DOCK1: variants seen among roughly 807,000 people sequenced by gnomAD.
DOCK1 encodes the protein dedicator of cytokinesis 1, also known as dedicator of cytokinesis protein 1.
DOCK1 carries 138 observed loss-of-function variants against 262.7 expected under a neutral mutation model. The ratio of observed to expected loss-of-function variants is 0.53; its 90% CI spans 0.46 to 0.61. The LOEUF is 0.61. Ranked by LOEUF, DOCK1 falls within the 20% of genes least tolerant of loss-of-function variation. DOCK1 has a pLI of 0.00. For missense variants in DOCK1, 1,908 were observed against 2,370.7 expected (o/e 0.80, Z 4.05); for synonymous variants, 866 against 867.4 (o/e 1.00, Z 0.03).
At chr10:127,238,105 G>T (rs1216686768) in intron 27 of DOCK1, among the ~76,000 whole-genome samples, 2 of 152,180 alleles carry the variant, frequency 1.3e-5, no homozygotes, top group Non-Finnish European at 2.9e-5. Context: ...GTAGGCACAG[G>T]AATATTATGA....
intron 27 of DOCK1, among the ~76,000 whole-genome samples, chr10:127,243,882 T>C (rs1322132012): frequency 6.6e-6 from 1 of 152,222 alleles, no homozygotes; most frequent in Admixed American, 6.5e-5. Context: ...CAATCTGGGC[T>C]TAGTCTCCCT....
intron 47 of DOCK1, among the ~76,000 whole-genome samples, chr10:127,430,440 A>T (rs1265184012): frequency 6.6e-6 from 1 of 152,198 alleles, no homozygotes; most frequent in Non-Finnish European, 1.5e-5. Flanking sequence ...GAGGAGAAGC[A>T]GTGTGGCATG....
chr10:126,908,093 C>T (rs1007729856), intron 1 of DOCK1, among the ~76,000 whole-genome samples: 1 of 145,576 alleles, frequency 6.9e-6, no homozygotes, highest in Non-Finnish European at 1.5e-5. Context: ...ACTCCATCGG[C>T]ATCCAGAGGC....
At chr10:127,032,343 A>G (rs2043298054) in intron 18 of DOCK1, 23 bp downstream of exon 18, 1 of 1,488,052 alleles carries the variant, frequency 6.7e-7, no homozygotes, top group Non-Finnish European at 8.9e-7. Context: ...GGAGAAACAC[A>G]CTCACCCCAG....
chr10:127,127,903 T>G, intron 27 of DOCK1, 139 bp downstream of exon 27: 1 of 588,554 alleles, frequency 1.7e-6, no homozygotes, highest in Non-Finnish European at 2.6e-6. Context: ...ATGTCCTCAT[T>G]TTCCAAATGA....
At chr10:127,188,461 G>T (rs61874033) in intron 27 of DOCK1, among the ~76,000 whole-genome samples, 1,994 of 152,202 alleles carry the variant, frequency 0.013, 12 homozygotes, top group Middle Eastern at 0.02. Context: ...CATGGCTTGG[G>T]GCAGCTCTTT....
intron 21 of DOCK1, among the ~76,000 whole-genome samples, chr10:127,044,240 G>A (rs1798797667): frequency 6.6e-6 from 1 of 152,068 alleles, no homozygotes; most frequent in South Asian, 2.1e-4. Context: ...CAGGTCAGAG[G>A]ACTCTGGCCT....
At chr10:127,330,106 G>A (rs2062912080) in intron 29 of DOCK1, among the ~76,000 whole-genome samples, 2 of 152,136 alleles carry the variant, frequency 1.3e-5, no homozygotes, top group South Asian at 2.1e-4. Flanking sequence ...AGCATTTTAA[G>A]GTCTTTTCAA....
intron 27 of DOCK1, 58 bp from the exon 28 acceptor site, chr10:127,247,950 G>A (rs749438196): frequency 9.4e-5 from 146 of 1,547,088 alleles, no homozygotes; most frequent in Non-Finnish European, 1.3e-4. Context: ...GATGATTTCG[G>A]CTTTTCCCAT....
At position 127,082,014 on chromosome 10, in the gene DOCK1, C is replaced by CT. The variant is rs530505296; in HGVS notation, c.2445+20241dup. 2.0e-4 allele frequency among the ~76,000 whole-genome samples: 30 copies of CT among 152,288 alleles called. No homozygotes were observed. In the South Asian group the frequency reaches 4.1e-3, roughly 21 times the overall value. On this transcript the variant is annotated intron_variant, in intron 23 of 51. Transcript: ENST00000623213. Reference sequence around the variant, plus strand: ...TCAAAGAGGGTGAACATGAGCCCTGCTTTCCTTTCCTCTTTGACTTCCTCT... The same window carrying CT: ...TCAAAGAGGGTGAACATGAGCCCTGCTTTTCCTTTCCTCTTTGACTTCCTCT...
chr10:127,324,108 GAGA>G (rs773999228), intron 29 of DOCK1, among the ~76,000 whole-genome samples: 45 of 152,340 alleles, frequency 3.0e-4, no homozygotes, highest in Middle Eastern at 3.4e-3. Flanking sequence ...CAAGGCCATG[GAGA>G]AGAAGTGTGA....
intron 48 of DOCK1, among the ~76,000 whole-genome samples, chr10:127,434,489 C>A (rs538824325): frequency 2.6e-5 from 4 of 152,200 alleles, no homozygotes; most frequent in African/African-American, 9.6e-5. Flanking sequence ...ACGTTCACAT[C>A]GCTGTGCAGC....
chr10:126,953,634 C>T (rs1257603642), intron 1 of DOCK1, among the ~76,000 whole-genome samples: 8 of 152,152 alleles, frequency 5.3e-5, no homozygotes, highest in Admixed American at 4.6e-4. Flanking sequence ...CAGCTGAATG[C>T]CTTCGTGGCA....
intron 29 of DOCK1, among the ~76,000 whole-genome samples, chr10:127,275,187 T>C (rs1039518468): frequency 5.3e-5 from 8 of 151,598 alleles, no homozygotes; most frequent in African/African-American, 1.9e-4. Context: ...CTCTTTGATA[T>C]CTAGGGGTTT....
intron 25 of DOCK1, among the ~76,000 whole-genome samples, chr10:127,111,529 A>G (rs1247808689): frequency 6.6e-6 from 1 of 152,160 alleles, no homozygotes; most frequent in Non-Finnish European, 1.5e-5. Context: ...TCTCACTGGA[A>G]ACTGAATTGC....
At chr10:127,277,624 G>T (rs925123822) in intron 29 of DOCK1, among the ~76,000 whole-genome samples, 1 of 152,120 alleles carries the variant, frequency 6.6e-6, no homozygotes, top group East Asian at 1.9e-4. Flanking sequence ...TTAGCTGGGT[G>T]TGGTGGCGGG....
At chr10:126,905,965 C>A (rs1309261265) in intron 1 of DOCK1, among the ~76,000 whole-genome samples, 3 of 152,134 alleles carry the variant, frequency 2.0e-5, no homozygotes, top group Non-Finnish European at 4.4e-5. Context: ...TGTCTCGCGG[C>A]GGCTTCTGCT....
chr10:127,043,508 G>C (rs2044154645), intron 21 of DOCK1, among the ~76,000 whole-genome samples: 1 of 152,228 alleles, frequency 6.6e-6, no homozygotes, highest in African/African-American at 2.4e-5. Flanking sequence ...ATGGATAAAT[G>C]CATGTGTTCC....
At chr10:127,305,241 G>A (rs958855083) in intron 29 of DOCK1, among the ~76,000 whole-genome samples, 9 of 151,914 alleles carry the variant, frequency 5.9e-5, no homozygotes, top group East Asian at 1.9e-4. Context: ...TTTGAATTAC[G>A]TAATTATAGT....
Sources: gnomAD v4.1 joint callset for allele counts (sites outside exome capture counted in the v4.1 genomes callset) on GRCh38, gnomAD v4.1.1 for gene constraint, MANE v1.5 for transcripts, NCBI Gene and HGNC (gene_info 2026-07-23, HGNC 2026-07-21) for gene names.